The following SYT14 variants were observed in gnomAD, a reference collection of about 807,000 sequenced individuals.
SYT14 encodes the protein synaptotagmin 14, also known as synaptotagmin-14.
A neutral mutation model predicts 74.2 loss-of-function variants in SYT14; 32 were observed. The ratio of observed to expected loss-of-function variants is 0.43; its 90% CI spans 0.33 to 0.58. The LOEUF is 0.58. SYT14 is among the 20% of genes least tolerant of loss of function. SYT14 has a pLI of 0.05. For missense variants in SYT14, 791 were observed against 981.8 expected, an observed-to-expected ratio of 0.81 and a Z score of 2.60; for synonymous variants, 298 against 337.7, an observed-to-expected ratio of 0.88 and a Z score of 1.29.
chr1:210,069,615 A>G (rs2081357418), intron 5 of SYT14, among the ~76,000 whole-genome samples: 2 of 151,712 alleles, frequency 1.3e-5, no homozygotes, highest in African/African-American at 4.8e-5. Context: ...CAGCTTTTAA[A>G]AATTGGTATT....
chr1:210,070,965 G>A (rs1363018899), intron 5 of SYT14, among the ~76,000 whole-genome samples: 2 of 78,638 alleles, frequency 2.5e-5, no homozygotes, highest in Non-Finnish European at 4.1e-5. Context: ...CCTTTGTGAT[G>A]AGGAAAAACA....
intron 2 of SYT14, among the ~76,000 whole-genome samples, chr1:209,981,040 T>A (rs1250226276): frequency 6.6e-6 from 1 of 152,212 alleles, no homozygotes; most frequent in Non-Finnish European, 1.5e-5. Context: ...CTTTGGGCAG[T>A]ATGAATTTTC....
chr1:209,965,932 A>AC (rs916825774), intron 2 of SYT14: 7 of 454,110 alleles, frequency 1.5e-5, no homozygotes, highest in African/African-American at 1.4e-4. Flanking sequence ...GTACAGTGGC[A>AC]CCATCTTGGC....
chr1:209,967,671 A>T (rs891075595), intron 2 of SYT14, among the ~76,000 whole-genome samples: 1 of 152,044 alleles, frequency 6.6e-6, no homozygotes, highest in Non-Finnish European at 1.5e-5. Context: ...TTCATTTCTG[A>T]TATTGATAAT....
intron 2 of SYT14, among the ~76,000 whole-genome samples, chr1:209,987,240 C>G (rs2079587304): frequency 6.6e-6 from 1 of 152,182 alleles, no homozygotes; most frequent in African/African-American, 2.4e-5. Flanking sequence ...ATCTTTATAG[C>G]AGAGCCCCAC....
intron 5 of SYT14, among the ~76,000 whole-genome samples, chr1:210,064,499 C>T (rs1296381070): frequency 6.6e-6 from 1 of 152,014 alleles, no homozygotes; most frequent in Non-Finnish European, 1.5e-5. Flanking sequence ...TTACAAATAA[C>T]TGATGTAAAT....
chr1:210,100,022 C>T (rs756958681), exon 7 of SYT14: 3 of 1,613,906 alleles, frequency 1.9e-6, no homozygotes, highest in African/African-American at 1.3e-5. Flanking sequence ...GATATGTCAG[C>T]TCAAGGATCA....
intron 7 of SYT14, among the ~76,000 whole-genome samples, chr1:210,104,981 T>C (rs1203197772): frequency 6.6e-6 from 1 of 152,210 alleles, no homozygotes; most frequent in Non-Finnish European, 1.5e-5. Flanking sequence ...AATAAGGTTC[T>C]CTACATTAAT....
chr1:209,944,237 A>C (rs999009903), intron 1 of SYT14, among the ~76,000 whole-genome samples: 4 of 152,192 alleles, frequency 2.6e-5, no homozygotes, highest in African/African-American at 7.2e-5. Flanking sequence ...AAATTCACTT[A>C]AGTAGAATTT....
At chr1:209,972,327 C>T (rs2079270467) in intron 2 of SYT14, among the ~76,000 whole-genome samples, 3 of 151,654 alleles carry the variant, frequency 2.0e-5, no homozygotes, top group African/African-American at 4.8e-5. Context: ...ATTGATTCTT[C>T]GTATGGATTT....
chr1:209,984,378 A>C (rs1321822767), intron 2 of SYT14, among the ~76,000 whole-genome samples: 1 of 152,176 alleles, frequency 6.6e-6, no homozygotes, highest in Non-Finnish European at 1.5e-5. Context: ...ACAAGGTTCC[A>C]GAGTTTTGAA....
At chr1:209,951,787 G>C (rs1432627136) in intron 1 of SYT14, among the ~76,000 whole-genome samples, 3 of 152,126 alleles carry the variant, frequency 2.0e-5, no homozygotes, top group African/African-American at 7.2e-5. Context: ...ATACACAATG[G>C]AATTCTATAT....
intron 5 of SYT14, among the ~76,000 whole-genome samples, chr1:210,055,924 G>A (rs1321015771): frequency 1.3e-5 from 2 of 152,042 alleles, no homozygotes; most frequent in Non-Finnish European, 2.9e-5. Context: ...CTTCTAAGTA[G>A]GTGTTTTACT....
intron 7 of SYT14, among the ~76,000 whole-genome samples, chr1:210,139,628 ACT>A (rs2082874792): frequency 6.6e-6 from 1 of 151,472 alleles, no homozygotes; most frequent in Admixed American, 6.6e-5. Flanking sequence ...CGCCACGAAA[ACT>A]CTGTAGCCAT....
chr1:210,059,437 T>C (rs934680345), intron 5 of SYT14, among the ~76,000 whole-genome samples: 9 of 93,430 alleles, frequency 9.6e-5, no homozygotes, highest in Non-Finnish European at 1.9e-4. Flanking sequence ...AATATATATA[T>C]ATATATATAT....
intron 2 of SYT14, among the ~76,000 whole-genome samples, chr1:210,004,124 T>G (rs2079949199): frequency 6.6e-6 from 1 of 152,116 alleles, no homozygotes; most frequent in Admixed American, 6.5e-5. Context: ...TTTAATTTTT[T>G]TCCTGACACA....
intron 7 of SYT14, among the ~76,000 whole-genome samples, chr1:210,148,223 T>C (rs1349493230): frequency 6.6e-6 from 1 of 152,016 alleles, no homozygotes; most frequent in Non-Finnish European, 1.5e-5. Context: ...TAAGGAAATA[T>C]CTAGGCCAGG....
At chr1:210,085,236 T>A (rs170552) in intron 5 of SYT14, among the ~76,000 whole-genome samples, 86,159 of 152,128 alleles carry the variant, frequency 0.57, 26,427 homozygotes, top group African/African-American at 0.81. Flanking sequence ...TTGATCACAT[T>A]GCCAGTGAAT....
At chr1:210,089,498 A>T (rs1008093249) in intron 5 of SYT14, among the ~76,000 whole-genome samples, 2 of 152,194 alleles carry the variant, frequency 1.3e-5, no homozygotes, top group African/African-American at 2.4e-5. Flanking sequence ...TCCCACCAAC[A>T]GTGTAAAAGC....
Sources: allele counts gnomAD v4.1 joint callset (sites outside exome capture counted in the v4.1 genomes callset), GRCh38; gene constraint gnomAD v4.1.1; transcripts MANE v1.5; gene names NCBI Gene and HGNC (gene_info 2026-07-23, HGNC 2026-07-21).